IKZF2: variants seen among roughly 807,000 people sequenced by gnomAD.
The protein encoded by IKZF2 is IKAROS family zinc finger 2.
A neutral mutation model predicts 49.2 loss-of-function variants in IKZF2; 15 were observed. The observed-to-expected ratio is 0.30, with a 90% confidence interval of 0.20 to 0.47. The LOEUF (loss-of-function observed/expected upper bound fraction) is 0.47. Ranked by LOEUF, IKZF2 falls within the 20% of genes least tolerant of loss-of-function variation. The pLI is 1.00. For synonymous variants in IKZF2, 227 were observed against 221.4 expected (o/e 1.03, Z -0.23); for missense variants, 567 against 664.6 (o/e 0.85, Z 1.61).
rs1017183621 is a variant in IKZF2, at chr2:213,100,847, T to C, written c.140-43748A>G. On this transcript the variant is annotated intron_variant, in intron 4 of 8. Coordinates refer to ENST00000434687, the MANE Select transcript of IKZF2 (RefSeq NM_001387220.1). ...TATAAATCCAACAAACTCAATAATA[T>C]ATTAAAATGTTTAGCTTGTTGTTTT... is the stretch of plus-strand genomic sequence containing the variant. Among the ~76,000 whole-genome samples, 5 of 152,204 alleles carry C rather than the reference T, an allele frequency of 3.3e-5. No homozygotes were observed. The South Asian group carries it at 8.3e-4, about 25-fold the overall frequency.
chr2:213,009,781 A>C (rs1281070511), intron 8 of IKZF2, among the ~76,000 whole-genome samples: 1 of 152,106 alleles, frequency 6.6e-6, no homozygotes, highest in Non-Finnish European at 1.5e-5. Context: ...AGGGGACTAA[A>C]GGAACACTTC....
intron 5 of IKZF2, among the ~76,000 whole-genome samples, chr2:213,054,962 T>C (rs1278434527): frequency 6.6e-6 from 1 of 152,150 alleles, no homozygotes; most frequent in African/African-American, 2.4e-5. Flanking sequence ...TCATGAATAT[T>C]ATTGTAGCTA....
At chr2:213,018,846 C>T (rs1261909579) in intron 7 of IKZF2, among the ~76,000 whole-genome samples, 2 of 152,126 alleles carry the variant, frequency 1.3e-5, no homozygotes, top group Non-Finnish European at 2.9e-5. Flanking sequence ...AATTTTTACT[C>T]ATCCCTCATG....
intron 6 of IKZF2, among the ~76,000 whole-genome samples, chr2:213,045,764 C>G (rs1700094375): frequency 1.3e-5 from 2 of 152,162 alleles, no homozygotes; most frequent in African/African-American, 4.8e-5. Context: ...CCTGCACCTT[C>G]CTTCGTGAAA....
At chr2:213,052,711 T>C (rs1242090098) in intron 5 of IKZF2, among the ~76,000 whole-genome samples, 1 of 152,090 alleles carries the variant, frequency 6.6e-6, no homozygotes, top group African/African-American at 2.4e-5. Flanking sequence ...ATAATCCAAA[T>C]ATAGAAGTAA....
chr2:213,076,555 C>T (rs6435756), intron 4 of IKZF2, among the ~76,000 whole-genome samples: 4 of 151,864 alleles, frequency 2.6e-5, no homozygotes, highest in Non-Finnish European at 4.4e-5. Context: ...TAACTCCAAA[C>T]GTAAATTCAT....
rs1282594512 is a variant in IKZF2, at chr2:213,007,263, G to T, written c.*97C>A. The T allele has an allele frequency of 8.5e-6, 11 of 1,293,144 alleles. No individual in the cohort carries two copies. Among genetic ancestry groups the T allele is most frequent in the Non-Finnish European group, 1.2e-5 (11 of 938,288 alleles). The allele number at this position is 1,293,144 out of a possible 1,614,324, so 80.1% of individuals were successfully genotyped here. A position where few individuals can be genotyped will look rare whatever the true frequency, so the allele number is the denominator to read the frequency against. ...AGTAATAATATTAAAAAAAATAAAA[G>T]GTATGTCAACATTTGAGGAAAGGTG... is the stretch of plus-strand genomic sequence containing the variant. On this transcript the variant is annotated 3_prime_UTR_variant, in exon 9 of 9. Transcript: ENST00000434687.
At chr2:213,151,769 C>T (rs1330893303), upstream of IKZF2, among the ~76,000 whole-genome samples, 1 of 146,454 alleles carries the variant, frequency 6.8e-6, no homozygotes, top group Non-Finnish European at 1.5e-5. Context: ...GCAGCGGAGC[C>T]CCGGGCGCGG....
intron 4 of IKZF2, among the ~76,000 whole-genome samples, chr2:213,093,794 A>G (rs1264743078): frequency 6.6e-6 from 1 of 152,210 alleles, no homozygotes; most frequent in Non-Finnish European, 1.5e-5. Context: ...TTCATTGTAC[A>G]TCGCATGCTT....
intron 4 of IKZF2, among the ~76,000 whole-genome samples, chr2:213,125,423 C>T (rs1451787435): frequency 2.0e-5 from 3 of 151,868 alleles, no homozygotes; most frequent in South Asian, 2.1e-4. Context: ...TTTAAAAAAC[C>T]GTAATTAAGA....
intron 4 of IKZF2, among the ~76,000 whole-genome samples, chr2:213,083,858 G>A (rs894740269): frequency 1.3e-5 from 2 of 151,210 alleles, no homozygotes; most frequent in Admixed American, 6.6e-5. Context: ...GGACTCCACA[G>A]ATTCTACATT....
At chr2:213,041,971 C>A (rs141129820) in intron 6 of IKZF2, among the ~76,000 whole-genome samples, 6 of 152,112 alleles carry the variant, frequency 3.9e-5, no homozygotes, top group Non-Finnish European at 5.9e-5. Flanking sequence ...GACTGATTAG[C>A]AAAATCCAGG....
chr2:213,029,123 AT>A (rs1027233965), intron 6 of IKZF2, among the ~76,000 whole-genome samples: 1 of 152,010 alleles, frequency 6.6e-6, no homozygotes, highest in East Asian at 1.9e-4. Context: ...GTTATGCAGT[AT>A]TTTTTTCTTG....
chr2:213,108,859 C>T (rs1313519996), intron 4 of IKZF2, among the ~76,000 whole-genome samples: 1 of 151,510 alleles, frequency 6.6e-6, no homozygotes, highest in Non-Finnish European at 1.5e-5. Flanking sequence ...ACAAAGAATC[C>T]CAACACTCAA....
chr2:213,100,702 C>T (rs1442964619), intron 4 of IKZF2, among the ~76,000 whole-genome samples: 2 of 151,950 alleles, frequency 1.3e-5, no homozygotes, highest in Admixed American at 6.6e-5. Context: ...GGAAGTTCCT[C>T]ACACTAATCT....
chr2:213,115,494 G>A (rs1375369154), intron 4 of IKZF2, among the ~76,000 whole-genome samples: 1 of 152,196 alleles, frequency 6.6e-6, no homozygotes, highest in Non-Finnish European at 1.5e-5. Context: ...CTAATCAGCA[G>A]AGGTTCTTGA....
At chr2:213,133,411 A>C (rs1559316707) in intron 4 of IKZF2, among the ~76,000 whole-genome samples, 1 of 152,160 alleles carries the variant, frequency 6.6e-6, no homozygotes, top group Non-Finnish European at 1.5e-5. Flanking sequence ...AAACAGGAAA[A>C]CTTGCTCAAT....
chr2:213,130,792 T>C (rs1031481811), intron 4 of IKZF2, among the ~76,000 whole-genome samples: 9 of 152,182 alleles, frequency 5.9e-5, no homozygotes, highest in African/African-American at 2.2e-4. Flanking sequence ...CACAGAACCA[T>C]ACGCCAAGCA....
chr2:213,022,237 G>GA (rs1697309603), intron 6 of IKZF2, 107 bp from the exon 7 acceptor site: 2 of 1,066,750 alleles, frequency 1.9e-6, no homozygotes, highest in Non-Finnish European at 2.6e-6. Flanking sequence ...ATAATTTTCA[G>GA]ACTTAAATCT....
Sources: allele counts gnomAD v4.1 joint callset (sites outside exome capture counted in the v4.1 genomes callset), GRCh38; gene constraint gnomAD v4.1.1; transcripts MANE v1.5; gene names NCBI Gene and HGNC (gene_info 2026-07-23, HGNC 2026-07-21).